The following ADAM12 variants were observed in gnomAD, a reference collection of about 807,000 sequenced individuals.
ADAM12 encodes the protein ADAM metallopeptidase domain 12, also known as disintegrin and metalloproteinase domain-containing protein 12.
A neutral mutation model predicts 106.4 loss-of-function variants in ADAM12; 70 were observed. The observed-to-expected ratio is 0.66, with a 90% CI of 0.54 to 0.80. ADAM12 has a LOEUF of 0.80. ADAM12 is among the 30% of genes least tolerant of loss of function. The pLI is 0.00. For synonymous variants in ADAM12, 420 were observed against 433.5 expected (o/e 0.97, Z 0.39); for missense variants, 1,010 against 1,171.9 (o/e 0.86, Z 2.02).
intron 21 of ADAM12, among the ~76,000 whole-genome samples, 185 bp downstream of exon 21, chr10:126,035,961 A>AT (rs35366238): frequency 0.26 from 39,021 of 152,004 alleles, 5,359 homozygotes; most frequent in East Asian, 0.43. Flanking sequence ...CACTCTTATT[A>AT]TTATACTCCA....
chr10:126,059,666 G>T (rs1300709973), intron 14 of ADAM12, among the ~76,000 whole-genome samples: 2 of 152,170 alleles, frequency 1.3e-5, no homozygotes, highest in Non-Finnish European at 2.9e-5. Flanking sequence ...AAATGGTCTG[G>T]TCAGCTCACA....
rs371413415 is a variant in ADAM12, at chr10:126,028,390, C to T, written c.2529+7756G>A. 2.0e-4 allele frequency among the ~76,000 whole-genome samples: 30 copies of T among 152,284 alleles called. 1 individual carries two copies. The highest frequency in any genetic ancestry group is 6.7e-4 in the African/African-American group (28 of 41,550). ...TAAGCAAAAAGAACAAAGCTGGAGG[C>T]ATCACGCTACCTGACTTCAAACTAT... is the stretch of plus-strand genomic sequence containing the variant. On this transcript the variant is annotated intron_variant, in intron 21 of 22. Coordinates refer to ENST00000448723, the MANE Select transcript of ADAM12 (RefSeq NM_001288973.2).
intron 21 of ADAM12, among the ~76,000 whole-genome samples, chr10:126,034,218 T>G (rs1165560772): frequency 6.6e-6 from 1 of 152,204 alleles, no homozygotes; most frequent in Non-Finnish European, 1.5e-5. Context: ...TGGTTTTCAA[T>G]CAAGGGAGGT....
At chr10:126,222,479 C>T (rs1054624671) in intron 3 of ADAM12, among the ~76,000 whole-genome samples, 1 of 150,602 alleles carries the variant, frequency 6.6e-6, no homozygotes, top group African/African-American at 2.4e-5. Context: ...CAGTCTCTGA[C>T]TCCCAGTGAG....
intron 4 of ADAM12, among the ~76,000 whole-genome samples, chr10:126,144,528 A>T (rs1217305187): frequency 1.3e-5 from 2 of 152,126 alleles, no homozygotes; most frequent in Non-Finnish European, 2.9e-5. Context: ...GACCCATTAG[A>T]GAGAAGGGAG....
intron 1 of ADAM12, among the ~76,000 whole-genome samples, chr10:126,338,020 C>T (rs2133863630): frequency 6.6e-6 from 1 of 152,226 alleles, no homozygotes; most frequent in East Asian, 1.9e-4. Flanking sequence ...AGGACAGAGC[C>T]ATTTGGAAAT....
Position 126,101,173 on chromosome 10 carries a change from G to A in ADAM12, c.810C>T (p.Cys270=), listed in dbSNP as rs553778664. 1.9e-6 allele frequency: 3 copies of A among 1,614,156 alleles called. No individual in the cohort carries two copies. The highest frequency in any genetic ancestry group is 2.7e-5 in the African/African-American group (2 of 75,042). ...GVEVWNDMDK[C]SVSQDPFTSL... The stretch of plus-strand genomic sequence containing the variant: ...TGGTGAATGGGTCCTGACTTACAGA[G>A]CATTTGTCCATGTCATTCCACACTT... The change falls in exon 9 of 23, where the codon TGC becomes TGT. Residue 270 remains cysteine (C), a synonymous_variant. Transcript: ENST00000448723.
rs957799931 is a variant in ADAM12, at chr10:126,066,107, T to C, written c.1413+610A>G. Among the ~76,000 whole-genome samples, 1 of 152,168 alleles carries C rather than the reference T, an allele frequency of 6.6e-6. No homozygotes were observed. Among genetic ancestry groups the C allele is most frequent in the Admixed American group, 6.5e-5 (1 of 15,278 alleles). Reference sequence around the variant, plus strand: ...AAATAAAACTCTACCCTTGGAACTGTTGAATCAAAAGCTCAGGCTTCTACT... The same window carrying C: ...AAATAAAACTCTACCCTTGGAACTGCTGAATCAAAAGCTCAGGCTTCTACT... On this transcript the variant is annotated intron_variant, in intron 13 of 22. Coordinates refer to ENST00000448723, the MANE Select transcript of ADAM12 (RefSeq NM_001288973.2). This position sits in a 1 kb window ranked among gnomAD's most constrained non-coding sequence, Gnocchi z 5.1.
intron 3 of ADAM12, among the ~76,000 whole-genome samples, chr10:126,243,495 G>A (rs1958570370): frequency 6.6e-6 from 1 of 151,396 alleles, no homozygotes; most frequent in East Asian, 1.9e-4. Context: ...GTGTATGTGT[G>A]TGTGTGTGTG....
intron 3 of ADAM12, among the ~76,000 whole-genome samples, chr10:126,191,749 A>T (rs892183462): frequency 5.9e-5 from 9 of 152,218 alleles, no homozygotes; most frequent in African/African-American, 2.2e-4. Flanking sequence ...GCAAGCTCGA[A>T]TTTAAATCTT....
intron 21 of ADAM12, among the ~76,000 whole-genome samples, chr10:126,027,560 G>A (rs1044419464): frequency 1.1e-4 from 16 of 152,092 alleles, no homozygotes; most frequent in Non-Finnish European, 2.1e-4. Context: ...AGGTTGGTTC[G>A]GGATATGCAA....
At chr10:126,303,712 T>C (rs575472443) in intron 2 of ADAM12, among the ~76,000 whole-genome samples, 133 of 152,314 alleles carry the variant, frequency 8.7e-4, no homozygotes, top group African/African-American at 2.9e-3. Context: ...TTGAGACAGA[T>C]TAACCCTGCA....
chr10:126,380,784 C>T (rs899242005), intron 1 of ADAM12, among the ~76,000 whole-genome samples: 5 of 152,212 alleles, frequency 3.3e-5, no homozygotes, highest in African/African-American at 4.8e-5. Flanking sequence ...GGACATACTC[C>T]AGAGCTGCTT....
intron 8 of ADAM12, 41 bp downstream of exon 8, chr10:126,108,552 T>C: frequency 6.4e-7 from 1 of 1,571,580 alleles, no homozygotes; most frequent in Non-Finnish European, 8.8e-7. Flanking sequence ...TTCCAAACAT[T>C]TACATGATCT....
At chr10:126,234,084 G>A (rs1958367516) in intron 3 of ADAM12, among the ~76,000 whole-genome samples, 1 of 152,154 alleles carries the variant, frequency 6.6e-6, no homozygotes, top group Admixed American at 6.5e-5. Context: ...CACAGCAGGC[G>A]GAGTACAGAA....
intron 1 of ADAM12, among the ~76,000 whole-genome samples, chr10:126,382,082 G>A (rs995183015): frequency 6.6e-6 from 1 of 152,122 alleles, no homozygotes; most frequent in African/African-American, 2.4e-5. Flanking sequence ...GAGAGAATGG[G>A]AACTTATGAC....
chr10:126,314,145 G>A (rs1961243117), intron 2 of ADAM12, among the ~76,000 whole-genome samples: 1 of 152,172 alleles, frequency 6.6e-6, no homozygotes, highest in African/African-American at 2.4e-5. Context: ...CATCACCACC[G>A]ACCTGAGCAG....
chr10:126,157,145 C>T (rs1313417275), intron 3 of ADAM12, among the ~76,000 whole-genome samples: 1 of 152,220 alleles, frequency 6.6e-6, no homozygotes, highest in South Asian at 2.1e-4. Flanking sequence ...TGACGTCTTT[C>T]TTCTCTGTTC....
At chr10:126,217,247 G>A (rs1444843402) in intron 3 of ADAM12, among the ~76,000 whole-genome samples, 1 of 152,000 alleles carries the variant, frequency 6.6e-6, no homozygotes, top group African/African-American at 2.4e-5. Flanking sequence ...AGTTTACCCA[G>A]AAGAGAGCAA....
Sources: gnomAD v4.1 joint callset for allele counts (sites outside exome capture counted in the v4.1 genomes callset) on GRCh38, gnomAD v4.1.1 for gene constraint, Gnocchi (gnomAD v3.1) non-coding constraint, MANE v1.5 for transcripts, NCBI Gene and HGNC (gene_info 2026-07-23, HGNC 2026-07-21) for gene names.